The following SLC35F3 variants were observed in gnomAD, a reference collection of about 807,000 sequenced individuals.
SLC35F3 encodes the protein solute carrier family 35 member F3.
A neutral mutation model predicts 49.9 loss-of-function variants in SLC35F3; 25 were observed. The observed-to-expected ratio is 0.50, with a 90% CI of 0.37 to 0.70. SLC35F3 has a LOEUF of 0.70. SLC35F3 is among the 30% of genes least tolerant of loss of function. SLC35F3 has a pLI of 0.00. For missense variants in SLC35F3, 525 were observed against 639.8 expected (o/e 0.82, Z 1.94); for synonymous variants, 275 against 265.4 (o/e 1.04, Z -0.35).
chr1:234,138,680 T>G (rs1665845158), intron 2 of SLC35F3, among the ~76,000 whole-genome samples: 1 of 152,178 alleles, frequency 6.6e-6, no homozygotes, highest in African/African-American at 2.4e-5. Context: ...TCCAAGTAGC[T>G]GTGATTATAG....
At chr1:234,135,953 G>A (rs543500515) in intron 2 of SLC35F3, among the ~76,000 whole-genome samples, 10 of 152,292 alleles carry the variant, frequency 6.6e-5, no homozygotes, top group East Asian at 1.9e-4. Flanking sequence ...TTTCTGCACC[G>A]TGCCATATAC....
At chr1:234,128,530 G>C (rs1465335330) in intron 2 of SLC35F3, among the ~76,000 whole-genome samples, 1 of 152,206 alleles carries the variant, frequency 6.6e-6, no homozygotes, top group Non-Finnish European at 1.5e-5. Flanking sequence ...GGAGCATTAG[G>C]AGTGCTGAGA....
At chr1:234,135,270 G>A (rs1378625970) in intron 2 of SLC35F3, among the ~76,000 whole-genome samples, 1 of 152,144 alleles carries the variant, frequency 6.6e-6, no homozygotes, top group Non-Finnish European at 1.5e-5. Context: ...TGAGGTAATA[G>A]ATACCCCATT....
At chr1:234,180,544 T>C (rs1216480568) in intron 2 of SLC35F3, among the ~76,000 whole-genome samples, 1 of 152,156 alleles carries the variant, frequency 6.6e-6, no homozygotes, top group African/African-American at 2.4e-5. Context: ...TTTATCTAAC[T>C]CCAGGCATCT....
intron 2 of SLC35F3, among the ~76,000 whole-genome samples, chr1:234,189,093 C>G (rs1440179416): frequency 6.6e-6 from 1 of 151,980 alleles, no homozygotes; most frequent in Non-Finnish European, 1.5e-5. Context: ...CTGACATAGC[C>G]TACCCAAATG....
intron 3 of SLC35F3, among the ~76,000 whole-genome samples, chr1:234,291,592 A>C (rs559632608): frequency 5.9e-5 from 9 of 152,172 alleles, no homozygotes; most frequent in African/African-American, 1.9e-4. Context: ...ACGTACCACC[A>C]CAAGTGGCTA....
At chr1:234,197,741 A>G (rs1249885100) in intron 2 of SLC35F3, among the ~76,000 whole-genome samples, 2 of 152,262 alleles carry the variant, frequency 1.3e-5, no homozygotes, top group African/African-American at 2.4e-5. Flanking sequence ...AAAGTGGGGC[A>G]TAGCAGAGAT....
In SLC35F3 at chr1:234,318,183, C is replaced by T. The variant is rs1657534425; in HGVS notation, c.955-568C>T. On this transcript the variant is annotated intron_variant, in intron 5 of 7. Coordinates refer to ENST00000366618, the MANE Select transcript of SLC35F3 (RefSeq NM_173508.4). The stretch of plus-strand genomic sequence containing the variant: ...GCCACTCCCATCACATTCACCCTCT[C>T]CTCCCAGCCTTCCAAGCCCCTGAAA... Among the ~76,000 whole-genome samples the T allele has an allele frequency of 2.6e-5, 4 of 152,250 alleles. No individual in the cohort carries two copies. The South Asian group carries it at 8.3e-4, about 32-fold the overall frequency.
At chr1:234,035,485 A>G (rs1664129129) in intron 2 of SLC35F3, among the ~76,000 whole-genome samples, 1 of 152,336 alleles carries the variant, frequency 6.6e-6, no homozygotes, top group African/African-American at 2.4e-5. Context: ...TGGAACACTC[A>G]GAAACTCAGA....
At chr1:234,218,820 G>A (rs746091608) in intron 2 of SLC35F3, among the ~76,000 whole-genome samples, 17 of 152,078 alleles carry the variant, frequency 1.1e-4, no homozygotes, top group Admixed American at 6.5e-4. Context: ...GGAGGCCGAG[G>A]TGGGTGGATC....
At chr1:234,105,385 T>C (rs1665271484) in intron 2 of SLC35F3, among the ~76,000 whole-genome samples, 1 of 152,208 alleles carries the variant, frequency 6.6e-6, no homozygotes, top group Non-Finnish European at 1.5e-5. Context: ...GGGCAGGGGC[T>C]CTCCATGTAT....
At chr1:233,907,843 A>G (rs1230658781) in intron 2 of SLC35F3, among the ~76,000 whole-genome samples, 1 of 152,172 alleles carries the variant, frequency 6.6e-6, no homozygotes, top group Non-Finnish European at 1.5e-5. Flanking sequence ...CTCCTGCCTC[A>G]GCCTCCTGCG....
chr1:234,117,371 C>T (rs973064857), intron 2 of SLC35F3, among the ~76,000 whole-genome samples: 4 of 152,066 alleles, frequency 2.6e-5, no homozygotes, highest in African/African-American at 7.3e-5. Flanking sequence ...GTGGGCAGAT[C>T]ACCTGAGGTC....
intron 2 of SLC35F3, among the ~76,000 whole-genome samples, chr1:234,116,155 T>C (rs1665483329): frequency 6.6e-6 from 1 of 152,210 alleles, no homozygotes; most frequent in South Asian, 2.1e-4. Flanking sequence ...ATAAAGTCAA[T>C]ATAAAGTAGC....
chr1:234,158,801 G>T (rs1159083097), intron 2 of SLC35F3, among the ~76,000 whole-genome samples: 1 of 152,164 alleles, frequency 6.6e-6, no homozygotes, highest in African/African-American at 2.4e-5. Flanking sequence ...ACCTGTGGTG[G>T]ACAAAAGATC....
At position 233,940,837 on chromosome 1, in the gene SLC35F3, A is replaced by G. The variant is rs146534953; in HGVS notation, c.283+35079A>G. On this transcript the variant is annotated intron_variant, in intron 2 of 7. Transcript: ENST00000366618. The stretch of plus-strand genomic sequence containing the variant: ...TTTTCTGTGTGATGGATTTTTAGAC[A>G]TGCAATTACTGGGTCAAAGAGAATG... Among the ~76,000 whole-genome samples the G allele has an allele frequency of 2.4e-4, 37 of 152,282 alleles. No homozygotes were observed. In the East Asian group the frequency reaches 6.4e-3, roughly 26 times the overall value.
chr1:234,023,152 A>T lies in SLC35F3; in HGVS notation c.283+117394A>T, dbSNP rs888271831. Among the ~76,000 whole-genome samples, 4 of 152,288 alleles carry T rather than the reference A, an allele frequency of 2.6e-5. No individual in the cohort carries two copies. In the East Asian group the frequency reaches 7.7e-4, roughly 29 times the overall value. ...AGGTTACAAGACTCGCAGCCCATGGAGGAAGAAAAAGGGAGAAGACCCAGG... is the reference window on the plus strand; with the variant it reads ...AGGTTACAAGACTCGCAGCCCATGGTGGAAGAAAAAGGGAGAAGACCCAGG... On this transcript the variant is annotated intron_variant, in intron 2 of 7. Coordinates refer to ENST00000366618, the MANE Select transcript of SLC35F3 (RefSeq NM_173508.4).
intron 2 of SLC35F3, among the ~76,000 whole-genome samples, chr1:234,072,009 C>G (rs917232286): frequency 2.6e-5 from 4 of 152,188 alleles, no homozygotes; most frequent in Admixed American, 6.5e-5. Context: ...AATGAGAGAA[C>G]TTATGACAAT....
Position 234,206,289 on chromosome 1 carries a change from C to T in SLC35F3, c.284-25128C>T, listed in dbSNP as rs530735729. ...AGGGCCTGGTTATTTCCTAGATCCACTGGCCTAAGCACGCAGTCGGGGAGG... is the reference window on the plus strand; with the variant it reads ...AGGGCCTGGTTATTTCCTAGATCCATTGGCCTAAGCACGCAGTCGGGGAGG... On this transcript the variant is annotated intron_variant, in intron 2 of 7. Transcript: ENST00000366618. 1.2e-4 allele frequency among the ~76,000 whole-genome samples: 19 copies of T among 152,132 alleles called. No individual in the cohort carries two copies. In the South Asian group the frequency reaches 2.5e-3, roughly 20 times the overall value.
Sources: allele counts gnomAD v4.1 joint callset (sites outside exome capture counted in the v4.1 genomes callset), GRCh38; gene constraint gnomAD v4.1.1; transcripts MANE v1.5; gene names NCBI Gene and HGNC (gene_info 2026-07-23, HGNC 2026-07-21).